PCDHGA5: variants seen among roughly 807,000 people sequenced by gnomAD.
The protein encoded by PCDHGA5 is protocadherin gamma-A5.
A neutral mutation model predicts 56.7 loss-of-function variants in PCDHGA5; 36 were observed. That is an observed-to-expected ratio of 0.64 (90% confidence interval 0.49 to 0.84). PCDHGA5 has a LOEUF of 0.84. Ranked by LOEUF, PCDHGA5 falls within the 40% of genes least tolerant of loss-of-function variation. The pLI, the probability that PCDHGA5 is intolerant of heterozygous loss-of-function variation, is 0.00. For synonymous variants in PCDHGA5, 563 were observed against 520.2 expected, an observed-to-expected ratio of 1.08 and a Z score of -1.12; for missense variants, 1,305 against 1,201.5, an observed-to-expected ratio of 1.09 and a Z score of -1.27.
intron 1 of PCDHGA5, chr5:141,399,841 G>C: frequency 6.2e-7 from 1 of 1,613,086 alleles, no homozygotes; most frequent in Non-Finnish European, 8.5e-7. Context: ...TGCGCTCTTC[G>C]ATATGGTGCC....
chr5:141,371,360 G>A (rs1337014125), intron 1 of PCDHGA5: 2 of 1,613,842 alleles, frequency 1.2e-6, no homozygotes, highest in Admixed American at 1.7e-5. Context: ...TGGAAGCAAA[G>A]GATGGTGGAC....
intron 1 of PCDHGA5, chr5:141,409,619 C>A: frequency 6.2e-7 from 1 of 1,613,898 alleles, no homozygotes; most frequent in Non-Finnish European, 8.5e-7. Flanking sequence ...CTCCATTGCG[C>A]AAGTGAGCGC....
chr5:141,432,632 G>A lies in PCDHGA5; in HGVS notation c.2422-62175G>A. 3.7e-6 allele frequency: 6 copies of A among 1,612,834 alleles called. No individual in the cohort carries two copies. The highest frequency in any genetic ancestry group is 5.1e-6 in the Non-Finnish European group (6 of 1,179,706). On this transcript the variant is annotated intron_variant, in intron 1 of 3. Coordinates refer to ENST00000518069, the MANE Select transcript of PCDHGA5 (RefSeq NM_018918.3). The surrounding 1 kb of genome is among the most constrained non-coding windows in gnomAD (Gnocchi z 6.0). ...CTTCTCGGTGGGTCTGCACACGGGC[G>A]AGGTGCGCACGGCGCGAGCCCTGCT...
rs780578882 is a variant in PCDHGA5 at position 141,486,578 on chromosome 5, C to T, written c.2422-8229C>T. On this transcript the variant is annotated intron_variant, in intron 1 of 3. Coordinates refer to ENST00000518069, the MANE Select transcript of PCDHGA5 (RefSeq NM_018918.3). This position sits in a 1 kb window ranked among gnomAD's most constrained non-coding sequence, Gnocchi z 5.0. ...TGAGGTGTTTGTTCCTGAGAACAAT[C>T]GCCCAGGGGACCTGCTTTGCTCCCT... 1.6e-5 allele frequency: 26 copies of T among 1,613,728 alleles called. No homozygotes were observed. The highest frequency in any genetic ancestry group is 2.2e-5 in the South Asian group (2 of 91,072).
Position 141,487,295 on chromosome 5 carries a change from T to C in PCDHGA5, c.2422-7512T>C, listed in dbSNP as rs2099642474. The C allele has an allele frequency of 5.6e-6, 9 of 1,614,164 alleles. No individual in the cohort carries two copies. In the East Asian group the frequency reaches 1.3e-4, roughly 24 times the overall value. ...AATTTGCTTTGTCTCCTTTGGCTCA[T>C]TCGTGGCACTACTCTCTAAGTGTCT... On this transcript the variant is annotated intron_variant, in intron 1 of 3. Transcript: ENST00000518069. This position sits in a 1 kb window ranked among gnomAD's most constrained non-coding sequence, Gnocchi z 5.0.
chr5:141,426,238 T>C, intron 1 of PCDHGA5: 1 of 158,644 alleles, frequency 6.3e-6, no homozygotes, highest in Admixed American at 5.9e-5. Context: ...AAGCACTTTG[T>C]GAAACATTTT....
chr5:141,485,444 G>A lies in PCDHGA5; in HGVS notation c.2422-9363G>A. 1 of 1,614,110 alleles carries A rather than the reference G, an allele frequency of 6.2e-7. No individual in the cohort carries two copies. Among genetic ancestry groups the A allele is most frequent in the Non-Finnish European group, 8.5e-7 (1 of 1,180,020 alleles). On this transcript the variant is annotated intron_variant, in intron 1 of 3. Coordinates refer to ENST00000518069, the MANE Select transcript of PCDHGA5 (RefSeq NM_018918.3). This position sits in a 1 kb window ranked among gnomAD's most constrained non-coding sequence, Gnocchi z 5.7. ...AGCCCTGCTCATCAAGAACCCAATC[G>A]ACCGAGAGGCACTGTGTGGGCTCAG...
chr5:141,444,152 ATTTTTTTTTTTTTT>A (rs747671382), intron 1 of PCDHGA5, among the ~76,000 whole-genome samples: 241 of 33,882 alleles, frequency 7.1e-3, no homozygotes, highest in African/African-American at 0.019. Flanking sequence ...TGTGTACTGG[ATTTTTTTTTTTTTT>A]TTTTTTTTTT....
intron 1 of PCDHGA5, chr5:141,383,917 G>A: frequency 6.2e-7 from 1 of 1,613,928 alleles, no homozygotes; most frequent in Non-Finnish European, 8.5e-7. Flanking sequence ...AGTTTTAGAT[G>A]TAAATGATAA....
At chr5:141,455,013 C>T (rs1468289988) in intron 1 of PCDHGA5, among the ~76,000 whole-genome samples, 2 of 151,130 alleles carry the variant, frequency 1.3e-5, no homozygotes, top group African/African-American at 4.9e-5. Context: ...GGGGTTTCAC[C>T]GTGTTAGCCA....
chr5:141,371,524 G>T, intron 1 of PCDHGA5: 1 of 1,613,756 alleles, frequency 6.2e-7, no homozygotes, highest in Non-Finnish European at 8.5e-7. Flanking sequence ...CTAGATTCTG[G>T]ATTTAATGGA....
intron 1 of PCDHGA5, chr5:141,414,679 G>T: frequency 6.2e-7 from 1 of 1,613,960 alleles, no homozygotes; most frequent in South Asian, 1.1e-5. Context: ...CACCATCCAG[G>T]GGGTACCTCT....
chr5:141,456,735 C>T (rs568353480), intron 1 of PCDHGA5, among the ~76,000 whole-genome samples: 8 of 152,216 alleles, frequency 5.3e-5, no homozygotes, highest in East Asian at 3.9e-4. Context: ...GAGGCTGAGG[C>T]GGGAGCATCA....
intron 1 of PCDHGA5, chr5:141,387,659 G>A: frequency 1.5e-6 from 1 of 650,434 alleles, no homozygotes; most frequent in Non-Finnish European, 2.6e-6. Context: ...GGAGAGCTTG[G>A]CGCTCCAGAT....
At chr5:141,426,231 C>A in intron 1 of PCDHGA5, 1 of 158,042 alleles carries the variant, frequency 6.3e-6, no homozygotes, top group Non-Finnish European at 1.4e-5. Flanking sequence ...ATTTTAAAAG[C>A]ACTTTGTGAA....
chr5:141,496,523 G>T (rs1159517569), intron 2 of PCDHGA5, among the ~76,000 whole-genome samples: 1 of 152,128 alleles, frequency 6.6e-6, no homozygotes, highest in Non-Finnish European at 1.5e-5. Context: ...GGAGCCCTTG[G>T]TGTATGGCAG....
rs367651596 is a variant in PCDHGA5, at chr5:141,393,468, A to G, written c.2421+26717A>G. 1.1e-5 allele frequency: 18 copies of G among 1,613,922 alleles called. No individual in the cohort carries two copies. The highest frequency in any genetic ancestry group is 8.0e-5 in the African/African-American group (6 of 74,958). ...GGTCCTCACGGCCTCGGATGGCGGC[A>G]AGCCGCCTCGCTCTAGCACAGTGCG... On this transcript the variant is annotated intron_variant, in intron 1 of 3. Coordinates refer to ENST00000518069, the MANE Select transcript of PCDHGA5 (RefSeq NM_018918.3).
chr5:141,409,952 C>A (rs892751686), intron 1 of PCDHGA5: 2 of 1,613,350 alleles, frequency 1.2e-6, no homozygotes, highest in Non-Finnish European at 1.7e-6. Context: ...CTCTGCAGAG[C>A]CCGGCTACCT....
intron 2 of PCDHGA5, among the ~76,000 whole-genome samples, chr5:141,497,767 C>T (rs1419825322): frequency 1.3e-5 from 2 of 152,066 alleles, no homozygotes; most frequent in East Asian, 3.9e-4. Flanking sequence ...TCAAACTCCC[C>T]GACCTCAACT....
Sources: allele counts gnomAD v4.1 joint callset (sites outside exome capture counted in the v4.1 genomes callset), GRCh38; gene constraint gnomAD v4.1.1; non-coding constraint Gnocchi (gnomAD v3.1); transcripts MANE v1.5; gene names NCBI Gene and HGNC (gene_info 2026-07-23, HGNC 2026-07-21).